The following HIVEP3 variants were observed in gnomAD, a reference collection of about 807,000 sequenced individuals.
HIVEP3 encodes the protein transcription factor HIVEP3.
A neutral mutation model predicts 152.8 loss-of-function variants in HIVEP3; 49 were observed. The observed-to-expected ratio is 0.32, with a 90% confidence interval of 0.26 to 0.41. The LOEUF is 0.41. Ranked by LOEUF, HIVEP3 falls within the 10% of genes least tolerant of loss-of-function variation. The pLI, the probability that HIVEP3 is intolerant of heterozygous loss-of-function variation, is 1.00. For missense variants in HIVEP3, 2,790 were observed against 3,103.3 expected (o/e 0.90, Z 2.40); for synonymous variants, 1,269 against 1,289.0 (o/e 0.98, Z 0.33).
At chr1:41,769,687 C>G (rs982561875) in intron 1 of HIVEP3, among the ~76,000 whole-genome samples, 2 of 152,148 alleles carry the variant, frequency 1.3e-5, no homozygotes, top group African/African-American at 4.8e-5. Context: ...CATCCAATGA[C>G]TGATATTCCA....
rs1439235235 is a variant in HIVEP3 at position 41,509,858 on chromosome 1, G to GT, written c.*592dup. ...AAAAAAAAAAAAAAGGAAAAGATTA[G>GT]TTTTTCTGGGCCTGCCTGCTGGGGC... On this transcript the variant is annotated 3_prime_UTR_variant, in exon 9 of 9. Transcript: ENST00000372583. 1.4e-5 allele frequency: 2 copies of GT among 138,602 alleles called. No homozygotes were observed. The highest frequency in any genetic ancestry group is 7.2e-5 in the Admixed American group (1 of 13,912). 8.6% of individuals were successfully genotyped at this position (138,602 alleles called of 1,614,324 possible). A position where few individuals can be genotyped will look rare whatever the true frequency, so the allele number is the denominator to read the frequency against.
At chr1:41,679,163 C>T (rs533868844) in intron 2 of HIVEP3, among the ~76,000 whole-genome samples, 1 of 152,328 alleles carries the variant, frequency 6.6e-6, no homozygotes, top group South Asian at 2.1e-4. Flanking sequence ...TTCTTTCTCC[C>T]TCCCTTTTCT....
intron 1 of HIVEP3, among the ~76,000 whole-genome samples, chr1:41,961,015 C>T (rs915734278): frequency 1.3e-5 from 2 of 152,186 alleles, no homozygotes; most frequent in African/African-American, 4.8e-5. Flanking sequence ...TTTCAACCAA[C>T]AGAGATTAGT....
At chr1:41,891,764 G>T (rs1057000554) in intron 1 of HIVEP3, among the ~76,000 whole-genome samples, 2 of 152,244 alleles carry the variant, frequency 1.3e-5, no homozygotes, top group Admixed American at 6.5e-5. Context: ...CAGCCCTCCA[G>T]AGGAGATCGG....
intron 5 of HIVEP3, among the ~76,000 whole-genome samples, chr1:41,559,380 T>C (rs552729214): frequency 6.6e-6 from 1 of 152,288 alleles, no homozygotes; most frequent in African/African-American, 2.4e-5. Context: ...CAACCCAACG[T>C]CCATTTCCCC....
rs1017512120 is a variant in HIVEP3, at chr1:41,868,624, T to C, written c.-801+49789A>G. 2.6e-5 allele frequency among the ~76,000 whole-genome samples: 4 copies of C among 152,200 alleles called. No individual in the cohort carries two copies. The South Asian group carries it at 8.3e-4, about 31-fold the overall frequency. On this transcript the variant is annotated intron_variant, in intron 1 of 8. Transcript: ENST00000372583. ...GGGAAAACAACAAACGATTGCTTTA[T>C]GGTTTAGAGCACACCTGTGCGTGGC...
intron 1 of HIVEP3, among the ~76,000 whole-genome samples, chr1:41,852,026 T>C (rs1643618815): frequency 6.6e-6 from 1 of 152,230 alleles, no homozygotes; most frequent in Admixed American, 6.5e-5. Context: ...TTAACATATG[T>C]GGACACTCTC....
chr1:41,652,620 G>A (rs1321164451), intron 2 of HIVEP3, among the ~76,000 whole-genome samples: 1 of 152,198 alleles, frequency 6.6e-6, no homozygotes, highest in African/African-American at 2.4e-5. Context: ...CAAGGAGTCA[G>A]GTGAAGATCG....
intron 1 of HIVEP3, among the ~76,000 whole-genome samples, chr1:41,927,088 G>C (rs981464709): frequency 6.6e-6 from 1 of 152,214 alleles, no homozygotes; most frequent in Non-Finnish European, 1.5e-5. Context: ...TCTGATGTTG[G>C]TAAGAATTCC....
intron 8 of HIVEP3, among the ~76,000 whole-genome samples, chr1:41,512,339 C>G (rs1177144017): frequency 6.6e-6 from 1 of 152,250 alleles, no homozygotes; most frequent in East Asian, 1.9e-4. Flanking sequence ...CCCCAACTCT[C>G]TCTCTTGCTT....
At chr1:41,512,788 G>A (rs112954640) in intron 8 of HIVEP3, 28 bp downstream of exon 8, 38 of 1,456,880 alleles carry the variant, frequency 2.6e-5, no homozygotes, top group African/African-American at 2.3e-4. Flanking sequence ...GGGGAGAAGC[G>A]GCCCAGCCAC....
At chr1:42,000,099 T>C (rs1436386092) in intron 1 of HIVEP3, among the ~76,000 whole-genome samples, 1 of 152,212 alleles carries the variant, frequency 6.6e-6, no homozygotes, top group East Asian at 1.9e-4. Flanking sequence ...ACCTAGGTAC[T>C]CAAATGATCT....
At chr1:41,960,281 A>G (rs1243270731) in intron 1 of HIVEP3, among the ~76,000 whole-genome samples, 1 of 152,218 alleles carries the variant, frequency 6.6e-6, no homozygotes, top group Admixed American at 6.5e-5. Flanking sequence ...AGTTTGTCCC[A>G]ATAACCCAAA....
chr1:41,595,345 T>C (rs891680361), intron 3 of HIVEP3, among the ~76,000 whole-genome samples: 1 of 152,182 alleles, frequency 6.6e-6, no homozygotes, highest in Non-Finnish European at 1.5e-5. Context: ...ATTCAGCCAT[T>C]GGCGTTTCAG....
At chr1:41,868,421 C>A (rs909654249) in intron 1 of HIVEP3, among the ~76,000 whole-genome samples, 1 of 152,040 alleles carries the variant, frequency 6.6e-6, no homozygotes, top group East Asian at 1.9e-4. Flanking sequence ...TACTTTTATG[C>A]AAATAAGTCT....
intron 1 of HIVEP3, among the ~76,000 whole-genome samples, chr1:41,724,154 AT>A (rs1646718254): frequency 6.6e-6 from 1 of 152,222 alleles, no homozygotes; most frequent in Non-Finnish European, 1.5e-5. Context: ...GGACTCTGAC[AT>A]CCCCTTCCAC....
At chr1:41,657,742 G>A (rs1358603781) in intron 2 of HIVEP3, among the ~76,000 whole-genome samples, 1 of 152,212 alleles carries the variant, frequency 6.6e-6, no homozygotes, top group Non-Finnish European at 1.5e-5. Flanking sequence ...AAAGCAAATA[G>A]GAAAGGCACA....
chr1:41,687,926 G>C (rs557426158), intron 2 of HIVEP3, among the ~76,000 whole-genome samples: 2 of 152,282 alleles, frequency 1.3e-5, no homozygotes, highest in East Asian at 3.9e-4. Context: ...TGAAAATTCA[G>C]TGAAGAAACC....
chr1:41,953,867 A>C (rs1645124088), intron 1 of HIVEP3, among the ~76,000 whole-genome samples: 1 of 152,236 alleles, frequency 6.6e-6, no homozygotes, highest in African/African-American at 2.4e-5. Flanking sequence ...GTTTGCACAA[A>C]AAAACAGGCA....
Sources: gnomAD v4.1 joint callset for allele counts (sites outside exome capture counted in the v4.1 genomes callset) on GRCh38, gnomAD v4.1.1 for gene constraint, MANE v1.5 for transcripts, NCBI Gene and HGNC (gene_info 2026-07-23, HGNC 2026-07-21) for gene names.